Variants in POLR1D observed in about 807,000 individuals in gnomAD.
POLR1D encodes DNA-directed RNA polymerases I and III subunit RPAC2.
In POLR1D, 8 loss-of-function variants were observed where a neutral mutation model predicts 10.8. The observed-to-expected ratio is 0.74, with a 90% confidence interval of 0.43 to 1.33. The LOEUF is 1.33. Among genes scored for constraint, POLR1D ranks in the 40% most tolerant of loss-of-function variants. POLR1D has a pLI of 0.01. For missense variants in POLR1D, 152 were observed against 161.7 expected, an observed-to-expected ratio of 0.94 and a Z score of 0.32; for synonymous variants, 54 against 57.2, an observed-to-expected ratio of 0.94 and a Z score of 0.25.
chr13:27,666,984 C>T (rs1318667880), exon 3 of POLR1D: 1 of 151,366 alleles, frequency 6.6e-6, no homozygotes, highest in African/African-American at 2.4e-5. Context: ...CAGATCATCA[C>T]CATGCCACAT....
intron 2 of POLR1D, chr13:27,651,607 T>A (rs1956268090): frequency 6.6e-6 from 1 of 152,188 alleles, no homozygotes. Flanking sequence ...AAATACCTAG[T>A]AAATAATAGA....
chr13:27,626,480 G>A (rs998052000), downstream of POLR1D, among the ~76,000 whole-genome samples: 1 of 152,204 alleles, frequency 6.6e-6, no homozygotes, highest in African/African-American at 2.4e-5. Context: ...CTGAGAAGGG[G>A]GCAGGCAGGT....
chr13:27,621,230 G>C (rs534286128), upstream of POLR1D: 30 of 152,708 alleles, frequency 2.0e-4, no homozygotes, highest in African/African-American at 6.5e-4. Flanking sequence ...ACGCGCTCTG[G>C]GGGTAGAAGG....
intron 1 of POLR1D, among the ~76,000 whole-genome samples, chr13:27,633,309 G>A (rs1244168045): frequency 6.6e-6 from 1 of 152,190 alleles, no homozygotes; most frequent in Non-Finnish European, 1.5e-5. Flanking sequence ...TCACATTAAT[G>A]AGAACTGACC....
chr13:27,648,184 A>G lies in POLR1D; in HGVS notation c.27-195A>G, dbSNP rs75646756. On this transcript the variant is annotated intron_variant, in intron 1 of 2. Coordinates refer to the POLR1D transcript ENST00000399697. Reference sequence around the variant, plus strand: ...CCAGTTTGTAATTTTTTTCTCTTCAATGTTGCTTCTCTTTATATTAATAGT... The same window carrying G: ...CCAGTTTGTAATTTTTTTCTCTTCAGTGTTGCTTCTCTTTATATTAATAGT... The G allele has an allele frequency of 8.5e-3, 3,960 of 467,700 alleles. 136 individuals carry two copies. Among genetic ancestry groups the G allele is most frequent in the African/African-American group, 0.07 (3,558 of 50,580 alleles). 29.0% of individuals were successfully genotyped at this position (467,700 alleles called of 1,614,324 possible).
At chr13:27,648,532 T>C (rs1249420884) in intron 2 of POLR1D, 2 of 889,038 alleles carry the variant, frequency 2.2e-6, no homozygotes, top group African/African-American at 1.7e-5. Context: ...ATCTTTAGCA[T>C]ATAGAGGAAA....
chr13:27,621,716 C>G, upstream of POLR1D: 1 of 281,606 alleles, frequency 3.6e-6, no homozygotes, highest in Non-Finnish European at 6.5e-6. Flanking sequence ...CCCCTCCCGC[C>G]GCGAGTGGCC....
At chr13:27,665,816 C>A (rs761043334) in exon 3 of POLR1D, 1 of 1,614,194 alleles carries the variant, frequency 6.2e-7, no homozygotes, top group South Asian at 1.1e-5. Flanking sequence ...GAGCCAGGCC[C>A]AGAAAGAAGA....
intron 1 of POLR1D, chr13:27,648,364 C>A: frequency 6.4e-7 from 1 of 1,565,010 alleles, no homozygotes; most frequent in South Asian, 1.1e-5. Flanking sequence ...CAAATCTTTT[C>A]CTTTTTCTTA....
In POLR1D at chr13:27,623,085, A is replaced by T; in HGVS notation, c.237A>T (p.Lys79Asn). The T allele has an allele frequency of 6.2e-7, 1 of 1,614,142 alleles. No homozygotes were observed. The highest frequency in any genetic ancestry group is 8.5e-7 in the Non-Finnish European group (1 of 1,180,028). ...CTACGACCCATCCTTCAGAGAGCAA[A>T]ATTAATTTACGCATTCAGACTCGAG... Reference protein sequence around the residue: ...GYTTTHPSESKINLRIQTRGT... With the variant: ...GYTTTHPSESNINLRIQTRGT... Residue 79 changes from lysine (K) to asparagine (N), a missense_variant, in exon 2 of 2, where the codon AAA (lysine) becomes AAT (asparagine). Lys to Asn is a moderately conservative substitution (Grantham distance 94). Coordinates refer to ENST00000302979, the MANE Select transcript of POLR1D (RefSeq NM_015972.4).
rs1956360922 is a variant in POLR1D, at chr13:27,661,189, C to A, written c.102-4497C>A. On this transcript the variant is annotated intron_variant, in intron 2 of 2. Coordinates refer to the POLR1D transcript ENST00000399697. ...CCTTCCATCACAGCCTCTGAGCCCACAGGTTTCAAAGTGAAGGAAATTGCT... is the reference window on the plus strand; with the variant it reads ...CCTTCCATCACAGCCTCTGAGCCCAAAGGTTTCAAAGTGAAGGAAATTGCT... Among the ~76,000 whole-genome samples, 5 of 152,278 alleles carry A rather than the reference C, an allele frequency of 3.3e-5. No homozygotes were observed. In the South Asian group the frequency reaches 1.0e-3, roughly 32 times the overall value.
chr13:27,630,213 G>T (rs1460025932), intron 1 of POLR1D, among the ~76,000 whole-genome samples: 2 of 152,024 alleles, frequency 1.3e-5, no homozygotes, highest in East Asian at 3.9e-4. Context: ...ATCTAGTACT[G>T]TTTCTCAGTA....
At chr13:27,627,624 A>G (rs964594994), downstream of POLR1D, among the ~76,000 whole-genome samples, 25 of 152,098 alleles carry the variant, frequency 1.6e-4, no homozygotes, top group African/African-American at 5.8e-4. Flanking sequence ...ATGGCAAATA[A>G]GAATTGGCGG....
intron 2 of POLR1D, among the ~76,000 whole-genome samples, chr13:27,662,297 G>A (rs1041900532): frequency 6.6e-6 from 1 of 151,934 alleles, no homozygotes; most frequent in Non-Finnish European, 1.5e-5. Flanking sequence ...ATCCAAATAA[G>A]TCTCTAATTT....
chr13:27,666,598 A>G (rs1393612860), exon 3 of POLR1D: 1 of 152,148 alleles, frequency 6.6e-6, no homozygotes, highest in African/African-American at 2.4e-5. Context: ...CAATCTTTCT[A>G]TATTTAATTT....
chr13:27,639,640 G>A (rs1956157214), intron 1 of POLR1D, among the ~76,000 whole-genome samples: 1 of 152,208 alleles, frequency 6.6e-6, no homozygotes, highest in African/African-American at 2.4e-5. Flanking sequence ...TGAAGTAGGT[G>A]TCTTATGAAC....
chr13:27,622,625 TTG>T (rs1348629204), intron 1 of POLR1D, among the ~76,000 whole-genome samples: 16 of 152,256 alleles, frequency 1.1e-4, no homozygotes, highest in African/African-American at 3.9e-4. Context: ...ACACTTAAGT[TTG>T]TGTTTTTCTA....
At chr13:27,626,168 C>CT (rs1198264620), downstream of POLR1D, among the ~76,000 whole-genome samples, 8 of 152,216 alleles carry the variant, frequency 5.3e-5, no homozygotes, top group Admixed American at 5.2e-4. Context: ...TCTCCCAAAA[C>CT]TTTGCCTGTG....
intron 1 of POLR1D, among the ~76,000 whole-genome samples, chr13:27,637,916 C>T (rs1956140926): frequency 6.6e-6 from 1 of 152,004 alleles, no homozygotes; most frequent in Non-Finnish European, 1.5e-5. Context: ...CAAGCATGTG[C>T]CACCACACTG....
Sources: allele counts gnomAD v4.1 joint callset (sites outside exome capture counted in the v4.1 genomes callset), GRCh38; gene constraint gnomAD v4.1.1; transcripts MANE v1.5; gene names NCBI Gene and HGNC (gene_info 2026-07-23, HGNC 2026-07-21).